Variants in GALNT17 observed in about 807,000 individuals in gnomAD.
GALNT17 encodes UDP-GalNAc:polypeptide N-acetylgalactosaminyltransferase-like 3.
GALNT17 carries 29 observed loss-of-function variants against 63.7 expected under a neutral mutation model. The observed-to-expected ratio is 0.46, with a 90% CI of 0.34 to 0.62. The LOEUF is 0.62. Ranked by LOEUF, GALNT17 falls within the 20% of genes least tolerant of loss-of-function variation. The probability of loss-of-function intolerance (pLI) is 0.01; values close to 1 mark genes in which losing one functional copy is unlikely to be tolerated. For missense variants in GALNT17, 603 were observed against 799.6 expected (o/e 0.75, Z 2.97); for synonymous variants, 305 against 318.3 (o/e 0.96, Z 0.45).
intron 1 of GALNT17, among the ~76,000 whole-genome samples, chr7:71,186,039 C>A (rs912795105): frequency 6.6e-6 from 1 of 152,182 alleles, no homozygotes; most frequent in Admixed American, 6.5e-5. Flanking sequence ...TGCATTAAAT[C>A]TTGGTGGTTA....
chr7:71,489,782 A>G (rs952720792), intron 5 of GALNT17, among the ~76,000 whole-genome samples: 1 of 152,218 alleles, frequency 6.6e-6, no homozygotes, highest in Admixed American at 6.5e-5. Flanking sequence ...CCTTCCCTCA[A>G]TGACCTCCAC....
At chr7:71,398,603 G>A (rs144411215) in intron 3 of GALNT17, among the ~76,000 whole-genome samples, 1 of 152,044 alleles carries the variant, frequency 6.6e-6, no homozygotes, top group African/African-American at 2.4e-5. Flanking sequence ...TCATGTTGGA[G>A]GCTTTCCTTA....
At chr7:71,687,185 C>T (rs1791372360) in intron 9 of GALNT17, among the ~76,000 whole-genome samples, 1 of 152,196 alleles carries the variant, frequency 6.6e-6, no homozygotes, top group Non-Finnish European at 1.5e-5. Context: ...AGAGACTCAA[C>T]GTTTCTTCTC....
chr7:71,243,419 G>A lies in GALNT17; in HGVS notation c.239-92131G>A, dbSNP rs374585633. 5.3e-5 allele frequency among the ~76,000 whole-genome samples: 8 copies of A among 152,102 alleles called. No homozygotes were observed. In the East Asian group the frequency reaches 1.2e-3, roughly 22 times the overall value. The stretch of plus-strand genomic sequence containing the variant: ...ACATCTACTCTTCAATGATTTCAGT[G>A]TCTGCTCATCATTCTTGTCTAATAT... On this transcript the variant is annotated intron_variant, in intron 1 of 10. Transcript: ENST00000333538.
At chr7:71,607,520 G>T (rs1011313522) in intron 6 of GALNT17, among the ~76,000 whole-genome samples, 1 of 152,122 alleles carries the variant, frequency 6.6e-6, no homozygotes, top group African/African-American at 2.4e-5. Context: ...CATAAACAGG[G>T]TGGCAGGTAA....
At chr7:71,338,358 AAT>A (rs139286792) in intron 2 of GALNT17, among the ~76,000 whole-genome samples, 2 of 147,980 alleles carry the variant, frequency 1.4e-5, no homozygotes, top group African/African-American at 2.5e-5. Context: ...AAAATAAATA[AAT>A]ATATATATAT....
chr7:71,705,354 A>G (rs181243093), intron 9 of GALNT17, among the ~76,000 whole-genome samples: 1 of 152,326 alleles, frequency 6.6e-6, no homozygotes, highest in Admixed American at 6.5e-5. Flanking sequence ...CAAAAAAAGC[A>G]GACAATAACA....
intron 5 of GALNT17, among the ~76,000 whole-genome samples, chr7:71,456,800 G>A (rs371511960): frequency 6.6e-6 from 1 of 152,192 alleles, no homozygotes. Context: ...CTGTGACACA[G>A]GCTCAGGAGG....
intron 1 of GALNT17, among the ~76,000 whole-genome samples, chr7:71,278,746 C>G (rs931573027): frequency 6.6e-6 from 1 of 152,038 alleles, no homozygotes; most frequent in Non-Finnish European, 1.5e-5. Context: ...CATGAGAACT[C>G]ACTATCATGA....
At chr7:71,418,148 A>C (rs1216309141) in intron 4 of GALNT17, among the ~76,000 whole-genome samples, 1 of 152,218 alleles carries the variant, frequency 6.6e-6, no homozygotes, top group Non-Finnish European at 1.5e-5. Context: ...GCTGGGGTTC[A>C]AAATCCAGCA....
At chr7:71,230,911 GC>G (rs1226774484) in intron 1 of GALNT17, among the ~76,000 whole-genome samples, 2 of 152,048 alleles carry the variant, frequency 1.3e-5, no homozygotes, top group Admixed American at 6.6e-5. Context: ...AAAGTCTTGG[GC>G]CCCACCGCAG....
rs139115951 is a variant in GALNT17 at position 71,576,910 on chromosome 7, T to C, written c.1080+5508T>C. ...CCATTCTACCAAAAAGACATCTGCATTCATATGTTCATCACAGTGCTATTC... is the reference window on the plus strand; with the variant it reads ...CCATTCTACCAAAAAGACATCTGCACTCATATGTTCATCACAGTGCTATTC... On this transcript the variant is annotated intron_variant, in intron 6 of 10. Transcript: ENST00000333538. Among the ~76,000 whole-genome samples the C allele has an allele frequency of 4.1e-3, 622 of 152,300 alleles. 3 individuals carry two copies. The highest frequency in any genetic ancestry group is 0.014 in the African/African-American group (577 of 41,574).
chr7:71,480,890 T>C (rs531380394), intron 5 of GALNT17, among the ~76,000 whole-genome samples: 11 of 152,280 alleles, frequency 7.2e-5, no homozygotes, highest in African/African-American at 2.6e-4. Context: ...GGCCTTGTGC[T>C]TTCAAACCTA....
intron 1 of GALNT17, among the ~76,000 whole-genome samples, chr7:71,333,814 G>A (rs1427034739): frequency 1.3e-5 from 2 of 152,196 alleles, no homozygotes; most frequent in South Asian, 2.1e-4. Context: ...TTGAAGAACA[G>A]CCCAACTGTT....
chr7:71,440,938 G>A (rs1787055174), intron 5 of GALNT17, among the ~76,000 whole-genome samples: 1 of 151,898 alleles, frequency 6.6e-6, no homozygotes, highest in Non-Finnish European at 1.5e-5. Flanking sequence ...TTCTCCTCTT[G>A]TTTATGGAAA....
intron 1 of GALNT17, among the ~76,000 whole-genome samples, chr7:71,251,270 T>A (rs1453896688): frequency 6.6e-6 from 1 of 152,012 alleles, no homozygotes; most frequent in Non-Finnish European, 1.5e-5. Context: ...TCTAGTAGGG[T>A]GTTAAATATC....
At chr7:71,709,339 G>C (rs958122389) in intron 9 of GALNT17, among the ~76,000 whole-genome samples, 2 of 152,148 alleles carry the variant, frequency 1.3e-5, no homozygotes, top group African/African-American at 4.8e-5. Context: ...TCACATGTTT[G>C]TTGGCCACTT....
intron 6 of GALNT17, among the ~76,000 whole-genome samples, chr7:71,572,616 A>G (rs540134630): frequency 5.9e-5 from 9 of 151,838 alleles, no homozygotes; most frequent in African/African-American, 1.7e-4. Context: ...TGACACATCC[A>G]TTACCTCCAT....
intron 2 of GALNT17, among the ~76,000 whole-genome samples, chr7:71,377,103 AAAATAAAAAAAATATATAT>A (rs1234628966): frequency 1.6e-5 from 1 of 62,992 alleles, no homozygotes; most frequent in African/African-American, 8.2e-5. Context: ...AAAAAAAATA[AAAATAAAAAAAATATATAT>A]ATATATATAT....
Sources: allele counts gnomAD v4.1 joint callset (sites outside exome capture counted in the v4.1 genomes callset), GRCh38; gene constraint gnomAD v4.1.1; transcripts MANE v1.5; gene names NCBI Gene and HGNC (gene_info 2026-07-23, HGNC 2026-07-21).